CACNA2D3: variants seen among roughly 807,000 people sequenced by gnomAD.
The protein encoded by CACNA2D3 is voltage-dependent calcium channel subunit alpha-2/delta-3.
Under a neutral mutation model 160.6 loss-of-function variants are expected in CACNA2D3, and 60 were observed. The observed-to-expected ratio is 0.37, with a 90% CI of 0.30 to 0.46. CACNA2D3 has a LOEUF of 0.46. Among genes scored for constraint, CACNA2D3 ranks in the 20% least tolerant of loss-of-function variants. CACNA2D3 has a pLI of 1.00. For synonymous variants in CACNA2D3, 558 were observed against 492.9 expected (o/e 1.13, Z -1.75); for missense variants, 1,205 against 1,365.0 (o/e 0.88, Z 1.85).
chr3:54,701,019 T>A (rs1700758577), intron 11 of CACNA2D3, among the ~76,000 whole-genome samples: 1 of 152,216 alleles, frequency 6.6e-6, no homozygotes, highest in South Asian at 2.1e-4. Context: ...GGCTGCAGAA[T>A]TCTCTGTTCT....
intron 32 of CACNA2D3, among the ~76,000 whole-genome samples, chr3:55,005,278 A>G (rs982629815): frequency 2.6e-5 from 4 of 152,088 alleles, no homozygotes; most frequent in African/African-American, 9.7e-5. Context: ...TGCCTCTCAA[A>G]AAAATTAAAT....
At chr3:55,005,061 G>C (rs9871268) in intron 32 of CACNA2D3, among the ~76,000 whole-genome samples, 33,777 of 151,638 alleles carry the variant, frequency 0.22, 5,356 homozygotes, top group African/African-American at 0.45. Context: ...GGATCACTTG[G>C]GGTCAGGAGT....
chr3:54,348,258 T>C (rs1357252295), intron 3 of CACNA2D3, among the ~76,000 whole-genome samples: 1 of 152,214 alleles, frequency 6.6e-6, no homozygotes, highest in African/African-American at 2.4e-5. Context: ...ATTTGGCCCT[T>C]GTTGCTCTCA....
intron 14 of CACNA2D3, among the ~76,000 whole-genome samples, chr3:54,817,761 A>G (rs1703489535): frequency 6.6e-6 from 1 of 152,204 alleles, no homozygotes; most frequent in South Asian, 2.1e-4. Flanking sequence ...TTCAGACCAT[A>G]TGGACAACCA....
chr3:54,669,172 GGCCCCAT>G (rs1484622861), intron 11 of CACNA2D3, among the ~76,000 whole-genome samples: 2 of 152,126 alleles, frequency 1.3e-5, no homozygotes, highest in African/African-American at 4.8e-5. Context: ...CATTCAGAAG[GGCCCCAT>G]GCTTGGCTTA....
intron 8 of CACNA2D3, 62 bp from the exon 9 acceptor site, chr3:54,581,741 T>C (rs1259169207): frequency 1.7e-5 from 23 of 1,360,268 alleles, no homozygotes; most frequent in Non-Finnish European, 2.3e-5. Context: ...CTCCTTAAAT[T>C]ATTAAGAAGT....
At chr3:54,727,511 T>C (rs1276141069) in intron 11 of CACNA2D3, among the ~76,000 whole-genome samples, 1 of 152,222 alleles carries the variant, frequency 6.6e-6, no homozygotes, top group Non-Finnish European at 1.5e-5. Context: ...CCAACCCAAA[T>C]GTCTATCAAT....
chr3:54,484,587 A>C (rs1700985758), intron 4 of CACNA2D3, among the ~76,000 whole-genome samples: 2 of 152,196 alleles, frequency 1.3e-5, no homozygotes, highest in South Asian at 2.1e-4. Context: ...TCACCGGGGC[A>C]ACTGGACCAC....
At chr3:54,411,837 A>C (rs1342710852) in intron 4 of CACNA2D3, among the ~76,000 whole-genome samples, 2 of 152,202 alleles carry the variant, frequency 1.3e-5, no homozygotes, top group African/African-American at 4.8e-5. Context: ...CCAGGATATC[A>C]CCTGTTTGAT....
intron 4 of CACNA2D3, among the ~76,000 whole-genome samples, chr3:54,437,866 G>T (rs1448977428): frequency 6.6e-6 from 1 of 152,210 alleles, no homozygotes; most frequent in African/African-American, 2.4e-5. Context: ...AAGGAAGACA[G>T]ACACTCATTG....
At chr3:54,924,053 G>A (rs1700938672) in intron 27 of CACNA2D3, among the ~76,000 whole-genome samples, 2 of 152,200 alleles carry the variant, frequency 1.3e-5, no homozygotes, top group South Asian at 2.1e-4. Flanking sequence ...ATCTTTAATA[G>A]TCTGAGATCT....
In CACNA2D3 at chr3:54,151,990, A is replaced by G. The variant is rs188376733; in HGVS notation, c.204+28396A>G. Among the ~76,000 whole-genome samples, 221 of 152,354 alleles carry G rather than the reference A, an allele frequency of 1.5e-3. 2 individuals are homozygous for G. The highest frequency in any genetic ancestry group is 5.0e-3 in the African/African-American group (209 of 41,570). On this transcript the variant is annotated intron_variant, in intron 2 of 37. Transcript: ENST00000474759. ...GTCCTGCTCAAATGCCACCTCTTCT[A>G]TGAAGCCTTTGCTAAGCTCCTTAAA...
chr3:54,168,161 A>G (rs1210078053), intron 2 of CACNA2D3, among the ~76,000 whole-genome samples: 1 of 152,178 alleles, frequency 6.6e-6, no homozygotes, highest in Non-Finnish European at 1.5e-5. Flanking sequence ...TGTGACTGAA[A>G]GAAGAGATCT....
At chr3:54,900,225 G>A (rs1013904040) in intron 27 of CACNA2D3, among the ~76,000 whole-genome samples, 4 of 152,164 alleles carry the variant, frequency 2.6e-5, no homozygotes, top group African/African-American at 9.7e-5. Context: ...GGGCATACAA[G>A]GAAATTGCAG....
chr3:54,173,000 C>G (rs1373101832), intron 2 of CACNA2D3, among the ~76,000 whole-genome samples: 1 of 152,160 alleles, frequency 6.6e-6, no homozygotes, highest in African/African-American at 2.4e-5. Context: ...CCAGTTTTAG[C>G]ACTGAAAGTC....
At chr3:54,865,739 G>T (rs770020885) in intron 17 of CACNA2D3, among the ~76,000 whole-genome samples, 4 of 152,162 alleles carry the variant, frequency 2.6e-5, no homozygotes, top group African/African-American at 4.8e-5. Context: ...GGGGGCAGGG[G>T]CTGCTGCATC....
At chr3:54,541,003 C>T (rs979049457) in intron 5 of CACNA2D3, among the ~76,000 whole-genome samples, 13 of 152,154 alleles carry the variant, frequency 8.5e-5, no homozygotes, top group Middle Eastern at 3.4e-3. Flanking sequence ...GGAGGCCGAG[C>T]GTGGTGGCTC....
chr3:55,030,908 T>C (rs1158870051), intron 35 of CACNA2D3, among the ~76,000 whole-genome samples: 1 of 152,106 alleles, frequency 6.6e-6, no homozygotes, highest in Non-Finnish European at 1.5e-5. Context: ...GTCCATGATA[T>C]AAAATGAGAG....
At chr3:54,378,568 A>T (rs1189612083) in intron 3 of CACNA2D3, among the ~76,000 whole-genome samples, 2 of 152,202 alleles carry the variant, frequency 1.3e-5, no homozygotes, top group Non-Finnish European at 2.9e-5. Context: ...TCCATTGCCC[A>T]CAAAAGAAAT....
Sources: allele counts gnomAD v4.1 joint callset (sites outside exome capture counted in the v4.1 genomes callset), GRCh38; gene constraint gnomAD v4.1.1; transcripts MANE v1.5; gene names NCBI Gene and HGNC (gene_info 2026-07-23, HGNC 2026-07-21).